DENND1A: variants seen among roughly 807,000 people sequenced by gnomAD.
DENND1A encodes the protein DENN domain-containing protein 1A.
DENND1A carries 51 observed loss-of-function variants against 113.7 expected under a neutral mutation model. The observed-to-expected ratio is 0.45, with a 90% confidence interval of 0.36 to 0.57. The LOEUF (loss-of-function observed/expected upper bound fraction) is 0.57. Ranked by LOEUF, DENND1A falls within the 20% of genes least tolerant of loss-of-function variation. The probability of loss-of-function intolerance (pLI) is 0.00; values close to 1 mark genes in which losing one functional copy is unlikely to be tolerated. For missense variants in DENND1A, 1,258 were observed against 1,395.9 expected (o/e 0.90, Z 1.57); for synonymous variants, 565 against 570.8 (o/e 0.99, Z 0.14).
chr9:123,666,373 C>T (rs2063493777), intron 8 of DENND1A, among the ~76,000 whole-genome samples: 2 of 152,126 alleles, frequency 1.3e-5, no homozygotes, highest in African/African-American at 4.8e-5. Context: ...CAAACATCAA[C>T]CTTCTGCTCT....
chr9:123,526,687 C>T (rs187147256), intron 13 of DENND1A, among the ~76,000 whole-genome samples: 1 of 152,314 alleles, frequency 6.6e-6, no homozygotes, highest in African/African-American at 2.4e-5. Context: ...CCTAGACATT[C>T]GCATCCCTTG....
intron 5 of DENND1A, among the ~76,000 whole-genome samples, chr9:123,728,699 T>C (rs1326454284): frequency 6.6e-6 from 1 of 152,088 alleles, no homozygotes; most frequent in Non-Finnish European, 1.5e-5. Context: ...AGATTAATGC[T>C]ATCTGATTTG....
intron 13 of DENND1A, among the ~76,000 whole-genome samples, chr9:123,551,483 G>T (rs934464115): frequency 6.6e-6 from 1 of 152,230 alleles, no homozygotes; most frequent in African/African-American, 2.4e-5. Context: ...GGGAGGATGT[G>T]TTGGAGGGAA....
intron 19 of DENND1A, among the ~76,000 whole-genome samples, chr9:123,420,253 CTATTA>C (rs747303377): frequency 1.3e-5 from 2 of 152,194 alleles, no homozygotes; most frequent in Non-Finnish European, 2.9e-5. Flanking sequence ...GACAGAGGCT[CTATTA>C]TGATTGCCGC....
intron 1 of DENND1A, among the ~76,000 whole-genome samples, chr9:123,919,402 G>A (rs1855809879): frequency 6.7e-6 from 1 of 149,224 alleles, no homozygotes; most frequent in Non-Finnish European, 1.5e-5. Context: ...AACCCAGGAG[G>A]CAGAGGTTGC....
At chr9:123,454,335 C>T (rs939106528) in intron 16 of DENND1A, among the ~76,000 whole-genome samples, 1 of 152,236 alleles carries the variant, frequency 6.6e-6, no homozygotes, top group South Asian at 2.1e-4. Context: ...CAACAGTCAA[C>T]CTCCCAGTGA....
rs569118785 is a variant in DENND1A at position 123,805,437 on chromosome 9, AT to A, written c.89-12808del. On this transcript the variant is annotated intron_variant, in intron 2 of 23. Coordinates refer to ENST00000394215, the MANE Select transcript of DENND1A (RefSeq NM_001352964.2). The stretch of plus-strand genomic sequence containing the variant: ...ACATAGCCTGAAGGTAATTTATACA[AT>A]TTTTTTTTTTTTTGAGACAGAGTCT... Among the ~76,000 whole-genome samples, 250 of 145,846 alleles carry A rather than the reference AT, an allele frequency of 1.7e-3. 2 individuals are homozygous for A. Among genetic ancestry groups the A allele is most frequent in the South Asian group, 4.6e-3 (21 of 4,612 alleles).
At chr9:123,806,835 A>G (rs968961289) in intron 2 of DENND1A, among the ~76,000 whole-genome samples, 12 of 152,240 alleles carry the variant, frequency 7.9e-5, no homozygotes, top group African/African-American at 2.9e-4. Context: ...TAAAGGGAGT[A>G]ATACCCTTTC....
At chr9:123,414,613 A>G in intron 19 of DENND1A, 1 of 1,550,254 alleles carries the variant, frequency 6.5e-7, no homozygotes, top group Non-Finnish European at 8.7e-7. Flanking sequence ...AAGGCTGGTG[A>G]GTCTTGCAAG....
chr9:123,696,412 T>C (rs2065524990), intron 5 of DENND1A, among the ~76,000 whole-genome samples: 3 of 152,186 alleles, frequency 2.0e-5, no homozygotes, highest in African/African-American at 2.4e-5. Flanking sequence ...CAAAACACAT[T>C]ATCGGAAGAG....
At chr9:123,880,276 G>A (rs1395891966) in intron 1 of DENND1A, among the ~76,000 whole-genome samples, 3 of 152,116 alleles carry the variant, frequency 2.0e-5, no homozygotes, top group African/African-American at 7.2e-5. Flanking sequence ...GCCTCCCAAA[G>A]TGCTGGGAGC....
intron 1 of DENND1A, among the ~76,000 whole-genome samples, chr9:123,916,546 T>C (rs1481180654): frequency 6.6e-6 from 1 of 152,066 alleles, no homozygotes; most frequent in Non-Finnish European, 1.5e-5. Context: ...CTTATTTTTG[T>C]ATTTTTAGTA....
At chr9:123,882,258 G>A (rs1024141347) in intron 1 of DENND1A, among the ~76,000 whole-genome samples, 1 of 150,372 alleles carries the variant, frequency 6.7e-6, no homozygotes, top group African/African-American at 2.4e-5. Context: ...AGAGGCCAAC[G>A]CAGGAGGATT....
chr9:123,638,589 C>T (rs1020033139), intron 9 of DENND1A, among the ~76,000 whole-genome samples: 5 of 152,088 alleles, frequency 3.3e-5, no homozygotes, highest in Non-Finnish European at 5.9e-5. Context: ...CCTGCCTCAG[C>T]CTCCCGAGTA....
chr9:123,870,729 C>T (rs149303978), intron 2 of DENND1A, among the ~76,000 whole-genome samples: 76 of 152,176 alleles, frequency 5.0e-4, no homozygotes, highest in African/African-American at 1.7e-3. Context: ...ACCACCGTGG[C>T]TGGCCTCACC....
chr9:123,402,666 G>T, intron 21 of DENND1A: 1 of 531,092 alleles, frequency 1.9e-6, no homozygotes, highest in Middle Eastern at 3.2e-4. Context: ...AGAGACTGAG[G>T]GCTGTGCTCC....
chr9:123,591,438 G>A (rs942327956), intron 11 of DENND1A, among the ~76,000 whole-genome samples: 10 of 152,240 alleles, frequency 6.6e-5, no homozygotes, highest in Admixed American at 4.6e-4. Flanking sequence ...GGTTGGGAGC[G>A]TGGGGCTGGA....
At chr9:123,635,804 A>G (rs1454835517) in intron 9 of DENND1A, among the ~76,000 whole-genome samples, 1 of 152,186 alleles carries the variant, frequency 6.6e-6, no homozygotes, top group Non-Finnish European at 1.5e-5. Context: ...GCTGGCTTGA[A>G]AGTGTTGGAA....
At chr9:123,697,390 T>C (rs1390915920) in intron 5 of DENND1A, among the ~76,000 whole-genome samples, 1 of 152,232 alleles carries the variant, frequency 6.6e-6, no homozygotes, top group African/African-American at 2.4e-5. Flanking sequence ...AATTTTATTC[T>C]ATTTTTATTT....
Sources: allele counts gnomAD v4.1 joint callset (sites outside exome capture counted in the v4.1 genomes callset), GRCh38; gene constraint gnomAD v4.1.1; transcripts MANE v1.5; gene names NCBI Gene and HGNC (gene_info 2026-07-23, HGNC 2026-07-21).